Variants in BMPR1A observed in about 807,000 individuals in gnomAD.
BMPR1A encodes bone morphogenetic protein receptor type 1A, also known as bone morphogenetic protein receptor type-1A.
BMPR1A carries 7 observed loss-of-function variants against 66.0 expected under a neutral mutation model. The ratio of observed to expected loss-of-function variants is 0.11; its 90% CI spans 0.06 to 0.20. The LOEUF (loss-of-function observed/expected upper bound fraction) is 0.20. Ranked by LOEUF, BMPR1A falls within the 10% of genes least tolerant of loss-of-function variation. The probability of loss-of-function intolerance (pLI) is 1.00; values close to 1 mark genes in which losing one functional copy is unlikely to be tolerated. For synonymous variants in BMPR1A, 200 were observed against 229.7 expected, an observed-to-expected ratio of 0.87 and a Z score of 1.17; for missense variants, 408 against 669.1, an observed-to-expected ratio of 0.61 and a Z score of 4.31.
At chr10:86,767,152 G>A (rs542919436) in intron 1 of BMPR1A, among the ~76,000 whole-genome samples, 1 of 152,062 alleles carries the variant, frequency 6.6e-6, no homozygotes. Context: ...TTGCCAGTTT[G>A]CCAGCTGAAA....
chr10:86,832,722 C>T (rs1437271469), intron 1 of BMPR1A, among the ~76,000 whole-genome samples: 2 of 152,160 alleles, frequency 1.3e-5, no homozygotes, highest in African/African-American at 2.4e-5. Flanking sequence ...CTTTGAGGCT[C>T]ATGTATGCTG....
rs114842267 is a variant in BMPR1A at position 86,889,006 on chromosome 10, A to G, written c.68-1056A>G. Among the ~76,000 whole-genome samples the G allele has an allele frequency of 1.7e-3, 261 of 152,214 alleles. 1 individual carries two copies. The highest frequency in any genetic ancestry group is 5.8e-3 in the African/African-American group (239 of 41,540). ...TCAAGTCTGTGTTGTGTCTTGAACC[A>G]CTTATTTAACATTCATAATGAAATA... On this transcript the variant is annotated intron_variant, in intron 3 of 12. Transcript: ENST00000372037.
intron 2 of BMPR1A, chr10:86,855,951 A>AC: frequency 1.6e-6 from 1 of 637,604 alleles, no homozygotes; most frequent in Non-Finnish European, 2.9e-6. Context: ...TTACTGCATA[A>AC]CTATTTCTTT....
At chr10:86,931,256 GAAA>G (rs1175936602), downstream of BMPR1A, 6 of 64,908 alleles carry the variant, frequency 9.2e-5, no homozygotes, top group African/African-American at 1.1e-4. Flanking sequence ...AAAAAAAAAA[GAAA>G]AAAAAATATA....
At chr10:86,761,000 T>A (rs1841047143) in intron 1 of BMPR1A, among the ~76,000 whole-genome samples, 1 of 152,174 alleles carries the variant, frequency 6.6e-6, no homozygotes, top group African/African-American at 2.4e-5. Context: ...CCGGAGATGC[T>A]AAAATATGAA....
intron 2 of BMPR1A, among the ~76,000 whole-genome samples, chr10:86,867,199 C>T (rs192035655): frequency 6.6e-6 from 1 of 152,276 alleles, no homozygotes; most frequent in Admixed American, 6.5e-5. Context: ...GCTGTAAAAC[C>T]TGAAGTTTTT....
intron 2 of BMPR1A, among the ~76,000 whole-genome samples, chr10:86,866,399 C>CTTTTTTTTTTTTCTTT (rs1842785864): frequency 4.5e-4 from 31 of 69,472 alleles, no homozygotes; most frequent in African/African-American, 1.6e-3. Context: ...AAGTTTCTTT[C>CTTTTTTTTTTTTCTTT]TTTTTTTTTT....
chr10:86,770,264 C>G (rs531048122), intron 1 of BMPR1A, among the ~76,000 whole-genome samples: 1 of 152,320 alleles, frequency 6.6e-6, no homozygotes, highest in East Asian at 1.9e-4. Context: ...GCACATCAGC[C>G]TAAGTGACAG....
At chr10:86,882,323 T>C (rs1843000904) in intron 3 of BMPR1A, among the ~76,000 whole-genome samples, 2 of 151,954 alleles carry the variant, frequency 1.3e-5, no homozygotes, top group African/African-American at 4.8e-5. Context: ...CTCGGGAGGC[T>C]GAGGTGGGAG....
chr10:86,810,089 G>A (rs12244931), intron 1 of BMPR1A, among the ~76,000 whole-genome samples: 1,978 of 152,028 alleles, frequency 0.013, 40 homozygotes, highest in African/African-American at 0.046. Context: ...TTGTGTCTCA[G>A]CTTCCCGAGT....
chr10:86,794,162 T>C (rs1054553005), intron 1 of BMPR1A, among the ~76,000 whole-genome samples: 1 of 152,210 alleles, frequency 6.6e-6, no homozygotes, highest in Non-Finnish European at 1.5e-5. Flanking sequence ...GATTAGGATG[T>C]GAATGTCTGC....
intron 3 of BMPR1A, among the ~76,000 whole-genome samples, chr10:86,878,046 TAAC>T (rs1255933412): frequency 1.3e-5 from 2 of 152,216 alleles, no homozygotes; most frequent in Non-Finnish European, 2.9e-5. Context: ...TTGCTTCAAA[TAAC>T]ACACAAATGT....
chr10:86,819,713 G>A (rs931813088), intron 1 of BMPR1A, among the ~76,000 whole-genome samples: 9 of 152,184 alleles, frequency 5.9e-5, no homozygotes, highest in African/African-American at 2.2e-4. Context: ...CACTTATCAC[G>A]TCAGCCTCAT....
intron 1 of BMPR1A, among the ~76,000 whole-genome samples, chr10:86,804,553 A>T: frequency 6.6e-6 from 1 of 152,022 alleles, no homozygotes; most frequent in East Asian, 1.9e-4. Flanking sequence ...TTCTTTATAG[A>T]CCCTATTTAC....
At chr10:86,806,407 A>G (rs1335898301) in intron 1 of BMPR1A, among the ~76,000 whole-genome samples, 3 of 151,994 alleles carry the variant, frequency 2.0e-5, no homozygotes, top group African/African-American at 7.3e-5. Flanking sequence ...TAGAATGGTG[A>G]TTTTTCCACT....
chr10:86,829,559 C>A (rs1160668973), intron 1 of BMPR1A, among the ~76,000 whole-genome samples: 5 of 152,210 alleles, frequency 3.3e-5, no homozygotes, highest in Non-Finnish European at 7.3e-5. Flanking sequence ...ACAAATGCTG[C>A]CACCACCAAG....
At chr10:86,861,924 C>CT (rs1184035679) in intron 2 of BMPR1A, among the ~76,000 whole-genome samples, 1 of 152,142 alleles carries the variant, frequency 6.6e-6, no homozygotes, top group African/African-American at 2.4e-5. Context: ...TTGGGAAAGT[C>CT]TGGTTTGTAT....
At chr10:86,831,963 C>G (rs938433828) in intron 1 of BMPR1A, among the ~76,000 whole-genome samples, 13 of 152,044 alleles carry the variant, frequency 8.6e-5, no homozygotes, top group African/African-American at 2.7e-4. Flanking sequence ...AATGCTATGG[C>G]TATACTCAAG....
chr10:86,760,239 T>TTTTTTTTTTTG (rs1841025590), intron 1 of BMPR1A, among the ~76,000 whole-genome samples: 1 of 108,440 alleles, frequency 9.2e-6, no homozygotes, highest in Non-Finnish European at 1.9e-5. Flanking sequence ...TTTCTTTCTT[T>TTTTTTTTTTTG]CTTTCTTTCT....
Sources: gnomAD v4.1 joint callset for allele counts (sites outside exome capture counted in the v4.1 genomes callset) on GRCh38, gnomAD v4.1.1 for gene constraint, MANE v1.5 for transcripts, NCBI Gene and HGNC (gene_info 2026-07-23, HGNC 2026-07-21) for gene names.